Variants in RAB5A observed in about 807,000 individuals in gnomAD.
RAB5A encodes RAB5A, member RAS oncogene family.
A neutral mutation model predicts 25.7 loss-of-function variants in RAB5A; 8 were observed. The observed-to-expected ratio is 0.31, with a 90% CI of 0.18 to 0.56. The LOEUF is 0.56. RAB5A is among the 20% of genes least tolerant of loss of function. The probability of loss-of-function intolerance (pLI) is 0.91; values close to 1 mark genes in which losing one functional copy is unlikely to be tolerated. For synonymous variants in RAB5A, 98 were observed against 89.8 expected, an observed-to-expected ratio of 1.09 and a Z score of -0.52; for missense variants, 192 against 259.7, an observed-to-expected ratio of 0.74 and a Z score of 1.79.
At chr3:19,954,575 T>C (rs1214673669) in intron 2 of RAB5A, among the ~76,000 whole-genome samples, 1 of 152,156 alleles carries the variant, frequency 6.6e-6, no homozygotes, top group African/African-American at 2.4e-5. Context: ...CCCAGCACTT[T>C]GGGAAGCTGA....
At chr3:19,957,506 A>AG (rs1696521249) in intron 2 of RAB5A, among the ~76,000 whole-genome samples, 1 of 140,788 alleles carries the variant, frequency 7.1e-6, no homozygotes, top group African/African-American at 2.6e-5. Context: ...AAAAAAAAAA[A>AG]GCAAACATTA....
chr3:19,955,452 C>G (rs1696485757), intron 2 of RAB5A, among the ~76,000 whole-genome samples: 1 of 152,070 alleles, frequency 6.6e-6, no homozygotes. Context: ...TGGGTGGGAC[C>G]AACAATCTAG....
intron 5 of RAB5A, among the ~76,000 whole-genome samples, chr3:19,982,011 G>A (rs1336386739): frequency 2.6e-5 from 4 of 151,984 alleles, no homozygotes; most frequent in Admixed American, 2.0e-4. Flanking sequence ...GAGAGGCCAC[G>A]GTGGGATGAT....
At chr3:19,977,488 C>T (rs544550846) in intron 4 of RAB5A, among the ~76,000 whole-genome samples, 5 of 152,132 alleles carry the variant, frequency 3.3e-5, no homozygotes, top group South Asian at 2.1e-4. Context: ...TTTTTGATGA[C>T]GTAGATGGAA....
chr3:19,953,527 C>T (rs1696455705), intron 2 of RAB5A, among the ~76,000 whole-genome samples: 1 of 151,694 alleles, frequency 6.6e-6, no homozygotes, highest in African/African-American at 2.4e-5. Context: ...CATGCCTCAG[C>T]CCCCCAAGTA....
In RAB5A at chr3:19,984,009, C is replaced by T; in HGVS notation, c.*186C>T. The T allele has an allele frequency of 5.5e-6, 3 of 544,494 alleles. No individual in the cohort carries two copies. Among genetic ancestry groups the T allele is most frequent in the Non-Finnish European group, 6.7e-6 (2 of 298,800 alleles). 33.7% of individuals were successfully genotyped at this position (544,494 alleles called of 1,614,324 possible). On this transcript the variant is annotated 3_prime_UTR_variant, in exon 6 of 6. Coordinates refer to ENST00000273047, the MANE Select transcript of RAB5A (RefSeq NM_004162.5). ...TTTAATAACATGCATGGGTCCCTCTCACTAATGTTTCAACAATAGGGAAAA... is the reference window on the plus strand; with the variant it reads ...TTTAATAACATGCATGGGTCCCTCTTACTAATGTTTCAACAATAGGGAAAA...
chr3:19,950,858 A>G lies in RAB5A; in HGVS notation c.-41A>G, dbSNP rs1045999103. ...TTGGCCCCTTGAATTCTGGAAGTTC[A>G]TTGAAGAGTCTGAAATTAGGGACTT... On this transcript the variant is annotated 5_prime_UTR_variant, in exon 2 of 6. Coordinates refer to ENST00000273047, the MANE Select transcript of RAB5A (RefSeq NM_004162.5). 1.3e-5 allele frequency: 21 copies of G among 1,580,124 alleles called. No homozygotes were observed. The East Asian group carries it at 3.4e-4, about 25-fold the overall frequency.
intron 5 of RAB5A, 108 bp downstream of exon 5, chr3:19,978,511 G>T (rs1696862332): frequency 8.6e-6 from 6 of 697,940 alleles, no homozygotes; most frequent in Admixed American, 2.4e-5. Flanking sequence ...GGGTTTGTGT[G>T]TATGTTTATG....
chr3:19,964,207 G>A (rs1696629278), intron 2 of RAB5A, among the ~76,000 whole-genome samples: 1 of 152,082 alleles, frequency 6.6e-6, no homozygotes, highest in African/African-American at 2.4e-5. Context: ...AGTATCTGTT[G>A]CCTATAGATA....
At chr3:19,973,846 T>C (rs1348784503) in intron 2 of RAB5A, among the ~76,000 whole-genome samples, 1 of 152,192 alleles carries the variant, frequency 6.6e-6, no homozygotes. Context: ...GTAAAAGAGA[T>C]ATATCTCATT....
chr3:19,969,052 T>G (rs1468844007), intron 2 of RAB5A, among the ~76,000 whole-genome samples: 2 of 139,264 alleles, frequency 1.4e-5, no homozygotes, highest in African/African-American at 5.5e-5. Flanking sequence ...TTGGTTTTTT[T>G]TTTTTTTTTG....
intron 2 of RAB5A, among the ~76,000 whole-genome samples, chr3:19,956,944 TC>T (rs1406424668): frequency 1.4e-5 from 2 of 144,204 alleles, no homozygotes; most frequent in Admixed American, 1.4e-4. Flanking sequence ...GTGTTTTTTT[TC>T]CTTTTTTTTT....
chr3:19,950,009 G>T (rs1202477158), intron 1 of RAB5A, among the ~76,000 whole-genome samples: 2 of 152,196 alleles, frequency 1.3e-5, no homozygotes, highest in Non-Finnish European at 2.9e-5. Flanking sequence ...CTGCACTCCA[G>T]CCTGGGTGAG....
chr3:19,982,788 T>C (rs915728855), intron 5 of RAB5A, among the ~76,000 whole-genome samples: 1 of 150,314 alleles, frequency 6.7e-6, no homozygotes, highest in Admixed American at 6.6e-5. Context: ...AGAGAGCATG[T>C]ATATAGATGT....
At chr3:19,955,532 A>G (rs1173951500) in intron 2 of RAB5A, among the ~76,000 whole-genome samples, 1 of 152,190 alleles carries the variant, frequency 6.6e-6, no homozygotes, top group East Asian at 1.9e-4. Flanking sequence ...CATTGGTACT[A>G]ACATTGATTC....
chr3:19,955,758 G>A (rs1156311403), intron 2 of RAB5A, among the ~76,000 whole-genome samples: 2 of 152,066 alleles, frequency 1.3e-5, no homozygotes, highest in South Asian at 2.1e-4. Flanking sequence ...AGGCATGGTG[G>A]CGTGCGCCTG....
At chr3:19,953,260 T>A (rs1559485517) in intron 2 of RAB5A, among the ~76,000 whole-genome samples, 1 of 152,204 alleles carries the variant, frequency 6.6e-6, no homozygotes, top group Non-Finnish European at 1.5e-5. Context: ...AATATATCTC[T>A]GATATGTGTG....
At chr3:19,974,157 T>C (rs1421451706) in intron 2 of RAB5A, among the ~76,000 whole-genome samples, 2 of 151,678 alleles carry the variant, frequency 1.3e-5, no homozygotes, top group Non-Finnish European at 2.9e-5. Context: ...CATTTTATAA[T>C]GCTACTTTTT....
intron 2 of RAB5A, among the ~76,000 whole-genome samples, chr3:19,967,642 ATAAT>A (rs2125187273): frequency 6.6e-6 from 1 of 152,266 alleles, no homozygotes; most frequent in Non-Finnish European, 1.5e-5. Flanking sequence ...TATCTACATA[ATAAT>A]TTTTTATTTT....
Sources: gnomAD v4.1 joint callset for allele counts (sites outside exome capture counted in the v4.1 genomes callset) on GRCh38, gnomAD v4.1.1 for gene constraint, MANE v1.5 for transcripts, NCBI Gene and HGNC (gene_info 2026-07-23, HGNC 2026-07-21) for gene names.